DOCK3: variants seen among roughly 807,000 people sequenced by gnomAD.
DOCK3 encodes the protein dedicator of cytokinesis protein 3.
DOCK3 carries 60 observed loss-of-function variants against 265.6 expected under a neutral mutation model. The ratio of observed to expected loss-of-function variants is 0.23; its 90% confidence interval spans 0.18 to 0.28. DOCK3 has a LOEUF of 0.28. Ranked by LOEUF, DOCK3 falls within the 10% of genes least tolerant of loss-of-function variation. The pLI, the probability that DOCK3 is intolerant of heterozygous loss-of-function variation, is 1.00. For synonymous variants in DOCK3, 881 were observed against 938.0 expected (o/e 0.94, Z 1.11); for missense variants, 1,981 against 2,594.3 (o/e 0.76, Z 5.14).
At chr3:50,859,216 T>G (rs2046778603) in intron 3 of DOCK3, among the ~76,000 whole-genome samples, 1 of 140,904 alleles carries the variant, frequency 7.1e-6, no homozygotes, top group African/African-American at 2.7e-5. Context: ...TATGGTTTTT[T>G]TTTTTTTTTT....
In DOCK3 at chr3:51,341,226, T is replaced by C. The variant is rs1432212322; in HGVS notation, c.3767-11T>C. The stretch of plus-strand genomic sequence containing the variant: ...GAAGCCCCTGGACCTCCATGCTGTC[T>C]GTCCCCACAGAGGCCGCATTTACCC... On this transcript the variant is annotated splice_polypyrimidine_tract_variant and intron_variant, in intron 37 of 52. Transcript: ENST00000266037. 6.4e-7 allele frequency: 1 copy of C among 1,560,056 alleles called. No individual in the cohort carries two copies. The highest frequency in any genetic ancestry group is 8.7e-7 in the Non-Finnish European group (1 of 1,152,150).
chr3:50,743,797 A>G (rs902032732), intron 1 of DOCK3, among the ~76,000 whole-genome samples: 3 of 152,148 alleles, frequency 2.0e-5, no homozygotes, highest in Non-Finnish European at 4.4e-5. Context: ...TTAGGAGTAG[A>G]ATTCCTAGAG....
intron 1 of DOCK3, among the ~76,000 whole-genome samples, chr3:50,700,889 A>G (rs1028108588): frequency 2.0e-5 from 3 of 152,198 alleles, no homozygotes; most frequent in African/African-American, 7.2e-5. Context: ...CATAATGGCC[A>G]TACTAATTTA....
At chr3:51,256,597 T>TG (rs1560298051) in intron 22 of DOCK3, among the ~76,000 whole-genome samples, 1 of 150,162 alleles carries the variant, frequency 6.7e-6, no homozygotes, top group Non-Finnish European at 1.5e-5. Context: ...GTTTTTGTTT[T>TG]TTTTTTTTTT....
At chr3:50,983,380 T>C (rs905353876) in intron 5 of DOCK3, among the ~76,000 whole-genome samples, 4 of 152,070 alleles carry the variant, frequency 2.6e-5, no homozygotes, top group Admixed American at 2.6e-4. Flanking sequence ...GAACTTGTGG[T>C]ACCTTTTCTG....
intron 10 of DOCK3, among the ~76,000 whole-genome samples, chr3:51,153,385 G>C (rs2085703355): frequency 6.6e-6 from 1 of 152,194 alleles, no homozygotes; most frequent in Non-Finnish European, 1.5e-5. Context: ...GGGCGAGAGT[G>C]TCCCGATTTT....
chr3:51,317,610 A>G (rs1560423781), intron 32 of DOCK3, among the ~76,000 whole-genome samples: 1 of 148,078 alleles, frequency 6.8e-6, no homozygotes, highest in African/African-American at 2.5e-5. Context: ...AATAATAATA[A>G]TAATAATAAT....
intron 21 of DOCK3, among the ~76,000 whole-genome samples, chr3:51,245,549 C>T (rs1182284735): frequency 6.6e-6 from 1 of 151,828 alleles, no homozygotes; most frequent in African/African-American, 2.4e-5. Flanking sequence ...CACCACCACA[C>T]CCAGCTAATT....
rs749329642 is a variant in DOCK3 at position 51,310,255 on chromosome 3, C to T, written c.2946C>T (p.Cys982=). The change falls in exon 28 of 53, where the codon TGC becomes TGT. Residue 982 remains cysteine, a synonymous_variant. Transcript: ENST00000266037. The part of the protein sequence containing the change: ...ELKEFLLKIF[C]VFRNLMKMSV... ...AGGAATTTCTGCTGAAGATTTTTTG[C>T]GTGTTCCGGAACCTGATGAAGATGA... 3.7e-6 allele frequency: 6 copies of T among 1,603,052 alleles called. No homozygotes were observed. Among genetic ancestry groups the T allele is most frequent in the South Asian group, 2.3e-5 (2 of 88,558 alleles).
At chr3:50,746,445 A>G (rs2039450618) in intron 1 of DOCK3, among the ~76,000 whole-genome samples, 1 of 152,050 alleles carries the variant, frequency 6.6e-6, no homozygotes, top group African/African-American at 2.4e-5. Context: ...TTTGTGGATT[A>G]TGCTTTTGGT....
chr3:50,824,592 C>T (rs1200243353), intron 2 of DOCK3, among the ~76,000 whole-genome samples: 1 of 152,138 alleles, frequency 6.6e-6, no homozygotes. Context: ...CCAAGTCTTG[C>T]CTGTTCACTG....
At chr3:50,682,224 T>C (rs987827244) in intron 1 of DOCK3, among the ~76,000 whole-genome samples, 1 of 152,236 alleles carries the variant, frequency 6.6e-6, no homozygotes, top group Non-Finnish European at 1.5e-5. Flanking sequence ...CAAATTTGCA[T>C]GTTCAGCCTC....
chr3:51,256,587 G>A (rs1576563698), intron 22 of DOCK3, among the ~76,000 whole-genome samples: 2 of 135,652 alleles, frequency 1.5e-5, no homozygotes, highest in African/African-American at 5.5e-5. Context: ...TTGAGTTTTC[G>A]TTTTTGTTTT....
At chr3:50,967,124 A>G (rs1193808716) in intron 5 of DOCK3, among the ~76,000 whole-genome samples, 1 of 152,120 alleles carries the variant, frequency 6.6e-6, no homozygotes, top group Non-Finnish European at 1.5e-5. Flanking sequence ...TGAACACTAG[A>G]ACTTATTCAT....
At chr3:51,231,121 C>CTTTTTTTTTTTTTTTTT (rs754271357) in intron 19 of DOCK3, among the ~76,000 whole-genome samples, 8 of 77,748 alleles carry the variant, frequency 1.0e-4, no homozygotes, top group South Asian at 5.6e-4. Context: ...TATTTTTTGA[C>CTTTTTTTTTTTTTTTTT]TTTTTTTTTT....
At chr3:51,024,108 A>T (rs1472096024) in intron 5 of DOCK3, among the ~76,000 whole-genome samples, 1 of 152,014 alleles carries the variant, frequency 6.6e-6, no homozygotes, top group Non-Finnish European at 1.5e-5. Context: ...ATTTTAGCCT[A>T]ATTTGATTCT....
chr3:51,261,554 C>T (rs1576579358), intron 23 of DOCK3, among the ~76,000 whole-genome samples: 3 of 152,086 alleles, frequency 2.0e-5, no homozygotes, highest in Admixed American at 1.3e-4. Flanking sequence ...GGAATGTCAG[C>T]GAGACAGAAC....
At chr3:51,250,245 T>C (rs1175233599) in intron 22 of DOCK3, among the ~76,000 whole-genome samples, 21 of 144,532 alleles carry the variant, frequency 1.5e-4, no homozygotes, top group South Asian at 4.4e-4. Flanking sequence ...TCCCCCTCTG[T>C]GAGAAACACC....
chr3:51,217,758 A>G (rs1297179574), intron 14 of DOCK3, among the ~76,000 whole-genome samples: 1 of 152,188 alleles, frequency 6.6e-6, no homozygotes, highest in Non-Finnish European at 1.5e-5. Flanking sequence ...TGTCAGAATT[A>G]GCTATAATAA....
Sources: allele counts gnomAD v4.1 joint callset (sites outside exome capture counted in the v4.1 genomes callset), GRCh38; gene constraint gnomAD v4.1.1; transcripts MANE v1.5; gene names NCBI Gene and HGNC (gene_info 2026-07-23, HGNC 2026-07-21).